VTI1A: variants seen among roughly 807,000 people sequenced by gnomAD.
VTI1A encodes vesicle transport through interaction with t-SNAREs homolog 1A.
In VTI1A, 22 loss-of-function variants were observed where a neutral mutation model predicts 34.9. The observed-to-expected ratio is 0.63, with a 90% CI of 0.45 to 0.90. The LOEUF (loss-of-function observed/expected upper bound fraction) is 0.90, where lower values mean the gene tolerates loss of function less well. Among genes scored for constraint, VTI1A ranks in the 40% least tolerant of loss-of-function variants. VTI1A has a pLI of 0.00. For synonymous variants in VTI1A, 87 were observed against 97.3 expected, an observed-to-expected ratio of 0.89 and a Z score of 0.62; for missense variants, 268 against 275.6, an observed-to-expected ratio of 0.97 and a Z score of 0.20.
At chr10:112,693,645 C>CT (rs1449302930) in intron 7 of VTI1A, among the ~76,000 whole-genome samples, 3 of 152,216 alleles carry the variant, frequency 2.0e-5, no homozygotes, top group African/African-American at 7.2e-5. Flanking sequence ...TTGAAGAACT[C>CT]TAACTTCCGA....
intron 5 of VTI1A, among the ~76,000 whole-genome samples, chr10:112,625,293 T>C (rs1845880750): frequency 6.6e-6 from 1 of 152,118 alleles, no homozygotes; most frequent in African/African-American, 2.4e-5. Context: ...AAGGAAGAGC[T>C]AGTGACCTGG....
chr10:112,606,927 ATATGT>A (rs1263248882), intron 5 of VTI1A, among the ~76,000 whole-genome samples: 2 of 152,172 alleles, frequency 1.3e-5, no homozygotes, highest in Non-Finnish European at 2.9e-5. Flanking sequence ...AGTGCTTTAC[ATATGT>A]TATTTCTCAT....
At chr10:112,849,942 G>T in the VTI1A span, among the ~76,000 whole-genome samples, 1 of 152,272 alleles carries the variant, frequency 6.6e-6, no homozygotes, top group African/African-American at 2.4e-5. Flanking sequence ...AAGGGGTAGG[G>T]CTCCCCCGGA....
At chr10:112,801,000 G>T (rs568833828) in intron 7 of VTI1A, among the ~76,000 whole-genome samples, 1 of 152,182 alleles carries the variant, frequency 6.6e-6, no homozygotes, top group Non-Finnish European at 1.5e-5. Flanking sequence ...CAACCTCCAC[G>T]TGAATGTAGT....
chr10:112,704,344 T>C (rs932951602), intron 7 of VTI1A, among the ~76,000 whole-genome samples: 1 of 152,216 alleles, frequency 6.6e-6, no homozygotes, highest in Non-Finnish European at 1.5e-5. Flanking sequence ...GAAAACTAGT[T>C]GTGCTGTGAG....
At chr10:112,601,980 G>A (rs1589960216) in intron 5 of VTI1A, among the ~76,000 whole-genome samples, 2 of 152,096 alleles carry the variant, frequency 1.3e-5, no homozygotes, top group African/African-American at 4.8e-5. Flanking sequence ...CATGTGGCTG[G>A]AGTATGAGCC....
At chr10:112,630,876 C>T (rs1564857024) in intron 5 of VTI1A, among the ~76,000 whole-genome samples, 1 of 152,142 alleles carries the variant, frequency 6.6e-6, no homozygotes, top group African/African-American at 2.4e-5. Context: ...AATCCCAGCA[C>T]TTTGGGAGGC....
At chr10:112,706,692 A>G (rs1466927616) in intron 7 of VTI1A, among the ~76,000 whole-genome samples, 1 of 152,186 alleles carries the variant, frequency 6.6e-6, no homozygotes, top group African/African-American at 2.4e-5. Context: ...ACTCTGAACC[A>G]TAACTGCTTT....
chr10:112,469,598 C>G (rs1419349327), intron 3 of VTI1A, among the ~76,000 whole-genome samples: 1 of 152,164 alleles, frequency 6.6e-6, no homozygotes, highest in Non-Finnish European at 1.5e-5. Flanking sequence ...AGTAGCCCTA[C>G]TTTTATGATT....
chr10:112,815,649 A>G lies in VTI1A; in HGVS notation c.*266A>G, dbSNP rs1397374549. On this transcript the variant is annotated 3_prime_UTR_variant, in exon 8 of 8. Transcript: ENST00000393077. Reference sequence around the variant, plus strand: ...GTTTATTTACCTTTTTGCTAATGTCATCAACTAGCCAAAATAGCCCCAGTG... The same window carrying G: ...GTTTATTTACCTTTTTGCTAATGTCGTCAACTAGCCAAAATAGCCCCAGTG... 3 of 472,794 alleles carry G rather than the reference A, an allele frequency of 6.3e-6. No homozygotes were observed. Among genetic ancestry groups the G allele is most frequent in the Admixed American group, 3.4e-5 (1 of 29,050 alleles). The allele number at this position is 472,794 out of a possible 1,614,324, so 29.3% of individuals were successfully genotyped here.
the VTI1A span, among the ~76,000 whole-genome samples, chr10:112,830,859 T>A: frequency 2.0e-4 from 12 of 58,874 alleles, no homozygotes; most frequent in South Asian, 7.9e-4. Context: ...ATTTTTTTTT[T>A]TTTTCTTGTA....
intron 7 of VTI1A, among the ~76,000 whole-genome samples, chr10:112,748,907 G>C (rs1320250483): frequency 1.3e-5 from 2 of 152,070 alleles, no homozygotes; most frequent in Admixed American, 1.3e-4. Context: ...GGGATTACAG[G>C]CGTGAGCCAC....
chr10:112,816,686 T>C lies in VTI1A; in HGVS notation c.*1303T>C. The stretch of plus-strand genomic sequence containing the variant: ...TTCTCAAGACTTCATAGGCACTTAC[T>C]GGTCCGTACTATCTTTGGAATATAA... On this transcript the variant is annotated 3_prime_UTR_variant, in exon 8 of 8. Coordinates refer to ENST00000393077, the MANE Select transcript of VTI1A (RefSeq NM_145206.4). 1 of 226,868 alleles carries C rather than the reference T, an allele frequency of 4.4e-6. No individual in the cohort carries two copies. Among genetic ancestry groups the C allele is most frequent in the Non-Finnish European group, 8.8e-6 (1 of 114,052 alleles). 14.1% of individuals were successfully genotyped at this position (226,868 alleles called of 1,614,324 possible). A position where few individuals can be genotyped will look rare whatever the true frequency, so the allele number is the denominator to read the frequency against.
chr10:112,764,824 A>G (rs1347944728), intron 7 of VTI1A, among the ~76,000 whole-genome samples: 2 of 152,168 alleles, frequency 1.3e-5, no homozygotes, highest in Non-Finnish European at 2.9e-5. Flanking sequence ...GTATTAGTGA[A>G]TATTTGCATT....
At chr10:112,763,438 CAAAA>C (rs397714967) in intron 7 of VTI1A, among the ~76,000 whole-genome samples, 1 of 108,986 alleles carries the variant, frequency 9.2e-6, no homozygotes. Flanking sequence ...GACACCATCT[CAAAA>C]AAAAAAAAAA....
rs60580099 is a variant in VTI1A at position 112,540,198 on chromosome 10, A to G, written c.427+1868A>G. 7.5e-3 allele frequency among the ~76,000 whole-genome samples: 1,141 copies of G among 152,296 alleles called. 16 individuals carry two copies. The highest frequency in any genetic ancestry group is 0.026 in the African/African-American group (1,088 of 41,564). On this transcript the variant is annotated intron_variant, in intron 5 of 7. Coordinates refer to ENST00000393077, the MANE Select transcript of VTI1A (RefSeq NM_145206.4). ...AGCTGAAAGAAGATCGCAGATACCA[A>G]AAGACTGTGTTTTGATCAAGGTTAT...
chr10:112,573,741 T>C (rs192989192), intron 5 of VTI1A, among the ~76,000 whole-genome samples: 2 of 152,338 alleles, frequency 1.3e-5, no homozygotes, highest in East Asian at 3.9e-4. Flanking sequence ...TTAGTTGAGG[T>C]AGACCCAAGA....
At chr10:112,568,410 G>C (rs998069775) in intron 5 of VTI1A, among the ~76,000 whole-genome samples, 1 of 152,124 alleles carries the variant, frequency 6.6e-6, no homozygotes, top group Non-Finnish European at 1.5e-5. Flanking sequence ...GAGAGGCTGA[G>C]GCAGGAGAAT....
intron 3 of VTI1A, among the ~76,000 whole-genome samples, chr10:112,502,219 G>A (rs1849269905): frequency 6.6e-6 from 1 of 151,646 alleles, no homozygotes; most frequent in South Asian, 2.1e-4. Context: ...TTTTTGTAGA[G>A]ACGGGGTTTT....
Sources: allele counts gnomAD v4.1 joint callset (sites outside exome capture counted in the v4.1 genomes callset), GRCh38; gene constraint gnomAD v4.1.1; transcripts MANE v1.5; gene names NCBI Gene and HGNC (gene_info 2026-07-23, HGNC 2026-07-21).